ZC3H12B: variants seen among roughly 807,000 people sequenced by gnomAD.
ZC3H12B encodes probable ribonuclease ZC3H12B.
A neutral mutation model predicts 43.9 loss-of-function variants in ZC3H12B; 7 were observed. The observed-to-expected ratio is 0.16, with a 90% CI of 0.09 to 0.30. ZC3H12B has a LOEUF of 0.30. Ranked by LOEUF, ZC3H12B falls within the 10% of genes least tolerant of loss-of-function variation. ZC3H12B has a pLI of 1.00. For synonymous variants in ZC3H12B, 222 were observed against 241.7 expected (o/e 0.92, Z 0.76); for missense variants, 475 against 670.2 (o/e 0.71, Z 3.22).
At chrX:65,375,725 C>A (rs1227284057) in intron 2 of ZC3H12B, among the ~76,000 whole-genome samples, 1 of 111,177 alleles carries the variant, frequency 9.0e-6, no homozygotes, top group South Asian at 3.8e-4. Context: ...AAGGAAACGA[C>A]CCAATCCAGG....
At chrX:65,400,003 G>A (rs1402616309) in intron 3 of ZC3H12B, among the ~76,000 whole-genome samples, 1 of 111,164 alleles carries the variant, frequency 9.0e-6, no homozygotes. Context: ...TGGGAATAGA[G>A]AGTAGAAGAG....
the ZC3H12B span, among the ~76,000 whole-genome samples, chrX:65,105,993 C>T: frequency 3.6e-5 from 4 of 111,541 alleles, no homozygotes; most frequent in African/African-American, 1.3e-4. Flanking sequence ...CTCTGATATC[C>T]GTTATTCTGT....
At chrX:65,487,547 C>G, upstream of ZC3H12B, among the ~76,000 whole-genome samples, 1 of 87,868 alleles carries the variant, frequency 1.1e-5, no homozygotes, top group East Asian at 2.9e-4. Context: ...CTTAAAAAAA[C>G]AAACCAAAAA....
At chrX:65,106,356 G>T in the ZC3H12B span, among the ~76,000 whole-genome samples, 15 of 111,670 alleles carry the variant, frequency 1.3e-4, no homozygotes, top group African/African-American at 4.9e-4. Flanking sequence ...CAAGTGTATG[G>T]ATTGCTATTA....
intron 3 of ZC3H12B, among the ~76,000 whole-genome samples, chrX:65,450,733 A>G (rs1373926168): frequency 1.5e-4 from 7 of 47,433 alleles, no homozygotes. Flanking sequence ...ATGTGTATAT[A>G]TGTATATATA....
the ZC3H12B span, among the ~76,000 whole-genome samples, chrX:65,148,663 C>A: frequency 9.0e-6 from 1 of 111,577 alleles, no homozygotes; most frequent in African/African-American, 3.3e-5. Flanking sequence ...GCATCTCTCC[C>A]TGTGCGCTAT....
chrX:65,380,294 G>A (rs903258273), intron 2 of ZC3H12B, among the ~76,000 whole-genome samples: 2 of 111,863 alleles, frequency 1.8e-5, no homozygotes, highest in Non-Finnish European at 3.8e-5. Context: ...GAGAGTGGGG[G>A]CCAATATTCA....
At chrX:65,127,972 G>A in the ZC3H12B span, among the ~76,000 whole-genome samples, 9,147 of 111,539 alleles carry the variant, frequency 0.082, 1,011 homozygotes, top group African/African-American at 0.29. Context: ...GAAAAAGCAA[G>A]CAGACTCACA....
At chrX:65,223,100 A>G in the ZC3H12B span, among the ~76,000 whole-genome samples, 1 of 112,070 alleles carries the variant, frequency 8.9e-6, no homozygotes, top group African/African-American at 3.2e-5. Context: ...CAGCCAACTG[A>G]TCTTTGACAA....
At chrX:65,244,251 T>C in the ZC3H12B span, among the ~76,000 whole-genome samples, 1 of 111,256 alleles carries the variant, frequency 9.0e-6, no homozygotes, top group Non-Finnish European at 1.9e-5. Flanking sequence ...TATTTATGGC[T>C]ATTATGTATC....
chrX:65,426,314 T>C (rs867930690), intron 3 of ZC3H12B, among the ~76,000 whole-genome samples: 1 of 104,981 alleles, frequency 9.5e-6, no homozygotes, highest in African/African-American at 3.4e-5. Context: ...ATCCCCCTTA[T>C]CATTTCTGTT....
intron 3 of ZC3H12B, among the ~76,000 whole-genome samples, chrX:65,471,445 ATTT>A (rs781370409): frequency 0.073 from 4,446 of 61,045 alleles, 467 homozygotes; most frequent in African/African-American, 0.31. Context: ...TTGGTTTGTG[ATTT>A]TTTTTTTTTT....
intron 3 of ZC3H12B, among the ~76,000 whole-genome samples, chrX:65,403,907 G>T (rs1357770385): frequency 1.8e-5 from 2 of 111,582 alleles, no homozygotes; most frequent in Non-Finnish European, 3.8e-5. Flanking sequence ...GTAATAGTAA[G>T]TGCACAGAAA....
At chrX:65,352,650 T>C in the ZC3H12B span, among the ~76,000 whole-genome samples, 1 of 111,249 alleles carries the variant, frequency 9.0e-6, no homozygotes, top group Non-Finnish European at 1.9e-5. Context: ...TTCACTTCCT[T>C]ATGTTTCCCA....
chrX:65,438,644 T>A (rs2067257688), intron 3 of ZC3H12B, among the ~76,000 whole-genome samples: 1 of 113,034 alleles, frequency 8.8e-6, no homozygotes, highest in Non-Finnish European at 1.9e-5. Flanking sequence ...TCTATAGATA[T>A]TAAATTAACT....
intron 2 of ZC3H12B, among the ~76,000 whole-genome samples, chrX:65,391,771 CT>C (rs1049959220): frequency 9.0e-6 from 1 of 111,172 alleles, no homozygotes. Flanking sequence ...TGGTCTCCCC[CT>C]CTCCCTCATC....
the ZC3H12B span, among the ~76,000 whole-genome samples, chrX:65,308,043 G>C: frequency 9.0e-6 from 1 of 111,394 alleles, no homozygotes; most frequent in East Asian, 2.8e-4. Context: ...AACAAACGCT[G>C]TGGAAATTCC....
At chrX:65,408,278 G>A in intron 3 of ZC3H12B, 1 of 1,169,830 alleles carries the variant, frequency 8.5e-7, no homozygotes, top group African/African-American at 1.7e-5. Context: ...GATGTATTAC[G>A]AAATGCCATA....
At chrX:65,500,744 T>G (rs892103281) in intron 4 of ZC3H12B, among the ~76,000 whole-genome samples, 8 of 101,494 alleles carry the variant, frequency 7.9e-5, no homozygotes, top group Admixed American at 2.1e-4. Context: ...CCAGTTTTTG[T>G]TTTTTTTTTT....
Sources: gnomAD v4.1 joint callset for allele counts (sites outside exome capture counted in the v4.1 genomes callset) on GRCh38, gnomAD v4.1.1 for gene constraint, MANE v1.5 for transcripts, NCBI Gene and HGNC (gene_info 2026-07-23, HGNC 2026-07-21) for gene names.